Variants in DNAH9 observed in about 807,000 individuals in gnomAD.
DNAH9 encodes dynein axonemal heavy chain 9, also known as DNAH9 variant protein.
Under a neutral mutation model 471.6 loss-of-function variants are expected in DNAH9, and 345 were observed. The ratio of observed to expected loss-of-function variants is 0.73; its 90% CI spans 0.67 to 0.80. The LOEUF (loss-of-function observed/expected upper bound fraction) is 0.80, where lower values mean the gene tolerates loss of function less well. Among genes scored for constraint, DNAH9 ranks in the 30% least tolerant of loss-of-function variants. The pLI, the probability that DNAH9 is intolerant of heterozygous loss-of-function variation, is 0.00. For synonymous variants in DNAH9, 2,093 were observed against 2,123.6 expected, an observed-to-expected ratio of 0.99 and a Z score of 0.40; for missense variants, 5,407 against 5,609.2, an observed-to-expected ratio of 0.96 and a Z score of 1.15.
chr17:11,617,217 C>T (rs2072764340), intron 4 of DNAH9, among the ~76,000 whole-genome samples, 194 bp from the exon 5 acceptor site: 1 of 152,158 alleles, frequency 6.6e-6, no homozygotes, highest in South Asian at 2.1e-4. Context: ...CAAGACAGAA[C>T]TCTTCAGATC....
chr17:11,924,037 C>T, intron 62 of DNAH9, 96 bp downstream of exon 62: 1 of 1,490,816 alleles, frequency 6.7e-7, no homozygotes, highest in Non-Finnish European at 9.1e-7. Flanking sequence ...TTCTCCCCAT[C>T]TGTCCTTTCA....
At chr17:11,902,644 C>T (rs1973450329) in intron 59 of DNAH9, 75 bp from the exon 60 acceptor site, 2 of 1,323,596 alleles carry the variant, frequency 1.5e-6, no homozygotes, top group Non-Finnish European at 1.1e-6. Context: ...ACCATCTGGC[C>T]CCTCAATCCC....
intron 54 of DNAH9, 122 bp from the exon 55 acceptor site, chr17:11,881,087 T>G (rs1229483075): frequency 2.2e-6 from 2 of 907,484 alleles, no homozygotes; most frequent in Admixed American, 2.0e-5. Context: ...CCAGGGCTCA[T>G]CCTAGACATA....
intron 26 of DNAH9, among the ~76,000 whole-genome samples, chr17:11,710,484 C>T (rs1156397882): frequency 6.6e-6 from 1 of 152,226 alleles, no homozygotes; most frequent in Non-Finnish European, 1.5e-5. Flanking sequence ...GTATTAATTG[C>T]ACAACACCCT....
intron 50 of DNAH9, among the ~76,000 whole-genome samples, chr17:11,862,827 T>A (rs1971909110): frequency 6.6e-6 from 1 of 151,882 alleles, no homozygotes; most frequent in South Asian, 2.1e-4. Flanking sequence ...TGTTTGTCTG[T>A]TATTGGTGTA....
At chr17:11,698,695 A>G (rs1340265398) in intron 22 of DNAH9, among the ~76,000 whole-genome samples, 2 of 152,044 alleles carry the variant, frequency 1.3e-5, no homozygotes, top group African/African-American at 4.8e-5. Flanking sequence ...TAATTATTCA[A>G]GAAGCTCTAC....
intron 67 of DNAH9, among the ~76,000 whole-genome samples, chr17:11,954,808 T>C (rs1030411602): frequency 6.7e-6 from 1 of 149,386 alleles, no homozygotes; most frequent in Non-Finnish European, 1.5e-5. Context: ...AGAAATTTCT[T>C]AGAAAGAAAG....
chr17:11,747,583 G>A lies in DNAH9; in HGVS notation c.6427G>A (p.Val2143Met), dbSNP rs765326108. The change falls in exon 32 of 69, where the codon GTG becomes ATG. Residue 2143 changes from valine to methionine, a missense_variant. Transcript: ENST00000262442. ...GGTCCAGCTGGAGGAGCTCCTGGCT[G>A]TGCGGCACTCTGTATTTGTGGTGGG... ...KVVQLEELLAVRHSVFVVGGA... is the reference protein window; with the variant it reads ...KVVQLEELLAMRHSVFVVGGA... The A allele has an allele frequency of 1.9e-6, 3 of 1,613,772 alleles. No homozygotes were observed. The highest frequency in any genetic ancestry group is 1.3e-5 in the African/African-American group (1 of 74,932).
intron 67 of DNAH9, among the ~76,000 whole-genome samples, chr17:11,946,199 C>CAAA (rs34028612): frequency 1.1e-3 from 51 of 47,254 alleles, no homozygotes; most frequent in African/African-American, 1.6e-3. Context: ...GAGTCCATCT[C>CAAA]AAAAAAAAAA....
chr17:11,668,828 G>A (rs1346091975), intron 15 of DNAH9, among the ~76,000 whole-genome samples: 2 of 152,058 alleles, frequency 1.3e-5, no homozygotes, highest in Admixed American at 6.6e-5. Flanking sequence ...GTACCCAGGA[G>A]AGCCCTGCAG....
intron 41 of DNAH9, among the ~76,000 whole-genome samples, chr17:11,790,854 CTT>C (rs1969040423): frequency 6.6e-6 from 1 of 152,166 alleles, no homozygotes; most frequent in Non-Finnish European, 1.5e-5. Context: ...ATCATTTTAT[CTT>C]TTTGTCTTTT....
chr17:11,944,615 C>T (rs1975050841), intron 67 of DNAH9, among the ~76,000 whole-genome samples: 1 of 152,194 alleles, frequency 6.6e-6, no homozygotes, highest in South Asian at 2.1e-4. Context: ...ACTGGTCCCA[C>T]TGCGAAATGG....
chr17:11,927,178 T>C lies in DNAH9; in HGVS notation c.11878-2688T>C, dbSNP rs114650358. Among the ~76,000 whole-genome samples the C allele has an allele frequency of 1.5e-3, 221 of 152,352 alleles. 2 individuals are homozygous for C. The highest frequency in any genetic ancestry group is 4.8e-3 in the African/African-American group (201 of 41,582). On this transcript the variant is annotated intron_variant, in intron 62 of 68. Coordinates refer to ENST00000262442, the MANE Select transcript of DNAH9 (RefSeq NM_001372.4). ...GATATTAGACTTGTGTCAGGTCTAA[T>C]TGCAAAAATTTTCTCCCATTCCATA...
intron 17 of DNAH9, among the ~76,000 whole-genome samples, chr17:11,678,619 G>A (rs997747139): frequency 3.3e-5 from 5 of 152,168 alleles, no homozygotes; most frequent in South Asian, 2.1e-4. Context: ...GTGTGCTGTC[G>A]TTGTTTTAAG....
intron 66 of DNAH9, among the ~76,000 whole-genome samples, chr17:11,940,256 C>T (rs1406798540): frequency 2.6e-5 from 4 of 152,230 alleles, no homozygotes; most frequent in Admixed American, 2.6e-4. Flanking sequence ...CCGCATACGT[C>T]TGTGGACCTG....
At chr17:11,680,071 C>A in intron 18 of DNAH9, 92 bp downstream of exon 18, 1 of 991,614 alleles carries the variant, frequency 1.0e-6, no homozygotes, top group Admixed American at 2.2e-5. Flanking sequence ...AAATGAAAAA[C>A]AGGGCTTGGA....
chr17:11,608,308 T>C lies in DNAH9; in HGVS notation c.597T>C (p.Asp199=). ...GCTCAGAAAAAATGGAGTTTGCGGATTCCAAAAGTGAGACAGTGTAAGTAC... is the reference window on the plus strand; with the variant it reads ...GCTCAGAAAAAATGGAGTTTGCGGACTCCAAAAGTGAGACAGTGTAAGTAC... ...PAGSEKMEFA[D]SKSETVLDSI... The change falls in exon 2 of 69, where the codon GAT becomes GAC. Residue 199 remains aspartate (D), a synonymous_variant. Coordinates refer to ENST00000262442, the MANE Select transcript of DNAH9 (RefSeq NM_001372.4). 1 of 1,609,618 alleles carries C rather than the reference T, an allele frequency of 6.2e-7. No individual in the cohort carries two copies. Among genetic ancestry groups the C allele is most frequent in the Non-Finnish European group, 8.5e-7 (1 of 1,178,706 alleles).
Position 11,937,530 on chromosome 17 carries a change from T to C in DNAH9, c.12660+8T>C. 1 of 1,605,144 alleles carries C rather than the reference T, an allele frequency of 6.2e-7. No homozygotes were observed. Among genetic ancestry groups the C allele is most frequent in the Non-Finnish European group, 8.5e-7 (1 of 1,174,866 alleles). Reference sequence around the variant, plus strand: ...GCCACAAGAGAAGAAAAGGTGTGTGTGGTGGGGACTGCCTGAGGTCGTTCT... The same window carrying C: ...GCCACAAGAGAAGAAAAGGTGTGTGCGGTGGGGACTGCCTGAGGTCGTTCT... On this transcript the variant is annotated splice_region_variant and intron_variant, in intron 66 of 68. Transcript: ENST00000262442. The surrounding 1 kb of genome is among the most constrained non-coding windows in gnomAD (Gnocchi z 4.1).
chr17:11,821,383 G>A (rs764806120), intron 45 of DNAH9, among the ~76,000 whole-genome samples: 9 of 151,522 alleles, frequency 5.9e-5, no homozygotes, highest in South Asian at 2.1e-4. Context: ...ATCTTTTCCC[G>A]GTTGATTTAA....
Sources: allele counts gnomAD v4.1 joint callset (sites outside exome capture counted in the v4.1 genomes callset), GRCh38; gene constraint gnomAD v4.1.1; non-coding constraint Gnocchi (gnomAD v3.1); transcripts MANE v1.5; gene names NCBI Gene and HGNC (gene_info 2026-07-23, HGNC 2026-07-21).